Variants in SCNN1G observed in about 807,000 individuals in gnomAD.
The protein encoded by SCNN1G is sodium channel epithelial 1 subunit gamma.
Under a neutral mutation model 64.6 loss-of-function variants are expected in SCNN1G, and 27 were observed. The ratio of observed to expected loss-of-function variants is 0.42; its 90% confidence interval spans 0.31 to 0.58. The LOEUF is 0.58. Among genes scored for constraint, SCNN1G ranks in the 20% least tolerant of loss-of-function variants. SCNN1G has a pLI of 0.18. For synonymous variants in SCNN1G, 330 were observed against 314.2 expected (o/e 1.05, Z -0.53); for missense variants, 743 against 823.4 (o/e 0.90, Z 1.19).
intron 6 of SCNN1G, among the ~76,000 whole-genome samples, chr16:23,198,492 A>C (rs1382396258): frequency 6.6e-6 from 1 of 152,226 alleles, no homozygotes; most frequent in African/African-American, 2.4e-5. Flanking sequence ...GCACTTTGGA[A>C]GGCCAAGGTG....
chr16:23,212,922 C>G, intron 10 of SCNN1G, 28 bp downstream of exon 10: 1 of 1,609,334 alleles, frequency 6.2e-7, no homozygotes, highest in Non-Finnish European at 8.5e-7. Flanking sequence ...CCCTTCCCCA[C>G]TGAAGCCCCC....
chr16:23,189,593 G>A lies in SCNN1G; in HGVS notation c.540G>A (p.Arg180=), dbSNP rs774065794. 5.0e-6 allele frequency: 8 copies of A among 1,614,104 alleles called. No homozygotes were observed. The highest frequency in any genetic ancestry group is 1.1e-5 in the South Asian group (1 of 91,092). ...KARDFFTGRK[R]KVGGSIIHKA... ...GGGACTTCTTCACAGGGAGGAAGCG[G>A]AAAGTCGGCGGTAGCATCATTCACA... Residue 180 remains arginine, a synonymous_variant, in exon 3 of 13, where the codon CGG becomes CGA. Coordinates refer to ENST00000300061, the MANE Select transcript of SCNN1G (RefSeq NM_001039.4).
rs886051800 is a variant in SCNN1G, at chr16:23,192,396, G to T, written c.663G>T (p.Ser221=). The T allele has an allele frequency of 6.2e-7, 1 of 1,614,100 alleles. No homozygotes were observed. ...TSDCATYTFS[S]GINAIQEWYK... ...ACTGTGCCACCTACACCTTCAGCTC[G>T]GGAATCAATGCCATTCAGGAGTGGT... The change falls in exon 4 of 13, where the codon TCG becomes TCT. Residue 221 remains serine (S), a synonymous_variant. Transcript: ENST00000300061.
At chr16:23,201,489 G>A (rs975121794) in intron 6 of SCNN1G, among the ~76,000 whole-genome samples, 3 of 151,652 alleles carry the variant, frequency 2.0e-5, no homozygotes, top group Non-Finnish European at 4.4e-5. Context: ...AGCAGGGTCA[G>A]TCAGCTCTAG....
At chr16:23,208,878 A>C (rs1050722311) in intron 6 of SCNN1G, among the ~76,000 whole-genome samples, 1 of 151,876 alleles carries the variant, frequency 6.6e-6, no homozygotes, top group Admixed American at 6.6e-5. Context: ...CTGGGATTAC[A>C]TGCATGAGCC....
chr16:23,189,482 G>T lies in SCNN1G; in HGVS notation c.429G>T (p.Trp143Cys), dbSNP rs750969453. Residue 143 changes from tryptophan to cysteine, a missense_variant, in exon 3 of 13, where the codon TGG (tryptophan) becomes TGT (cysteine). Physicochemically the swap from Trp to Cys is radical, Grantham distance 215. Transcript: ENST00000300061. The stretch of plus-strand genomic sequence containing the variant: ...GGAAGCGCCGAGAGGCGGAGTCCTG[G>T]AACTCCGTCTCAGAGGGAAAGCAGC... ...ESRKRREAESWNSVSEGKQPR... is the reference protein window; with the variant it reads ...ESRKRREAESCNSVSEGKQPR... The T allele has an allele frequency of 6.2e-7, 1 of 1,614,230 alleles. No individual in the cohort carries two copies. The highest frequency in any genetic ancestry group is 8.5e-7 in the Non-Finnish European group (1 of 1,180,048).
chr16:23,187,244 G>A (rs532682738), intron 2 of SCNN1G, among the ~76,000 whole-genome samples: 10 of 152,084 alleles, frequency 6.6e-5, no homozygotes, highest in African/African-American at 2.4e-4. Flanking sequence ...GAGTAGCTGG[G>A]ACTATAGGCA....
At chr16:23,191,897 G>A (rs1435100270) in intron 3 of SCNN1G, among the ~76,000 whole-genome samples, 1 of 152,220 alleles carries the variant, frequency 6.6e-6, no homozygotes, top group Non-Finnish European at 1.5e-5. Context: ...CATTTTGTGG[G>A]TGAGATAATG....
In SCNN1G at chr16:23,215,557, A is replaced by C; in HGVS notation, c.*88A>C. 1 of 1,483,116 alleles carries C rather than the reference A, an allele frequency of 6.7e-7. No individual in the cohort carries two copies. The highest frequency in any genetic ancestry group is 9.3e-7 in the Non-Finnish European group (1 of 1,075,136). 91.9% of individuals were successfully genotyped at this position (1,483,116 alleles called of 1,614,324 possible). ...GTGCCCCCAGACGTGTGCACAGGGGACCCTCTGCCCCACTCTGGGCTTTTC... is the reference window on the plus strand; with the variant it reads ...GTGCCCCCAGACGTGTGCACAGGGGCCCCTCTGCCCCACTCTGGGCTTTTC... On this transcript the variant is annotated 3_prime_UTR_variant, in exon 13 of 13. Transcript: ENST00000300061.
intron 5 of SCNN1G, among the ~76,000 whole-genome samples, chr16:23,196,895 A>G (rs1479110224): frequency 1.3e-5 from 2 of 152,216 alleles, no homozygotes; most frequent in African/African-American, 2.4e-5. Flanking sequence ...TGAGGGGTTA[A>G]GCAGCCGGAG....
At position 23,216,633 on chromosome 16, in the gene SCNN1G, T is replaced by G. The variant is rs1306189459; in HGVS notation, c.*1164T>G. The G allele has an allele frequency of 6.6e-6, 1 of 152,176 alleles. No homozygotes were observed. Among genetic ancestry groups the G allele is most frequent in the Non-Finnish European group, 1.5e-5 (1 of 68,048 alleles). 9.4% of individuals were successfully genotyped at this position (152,176 alleles called of 1,614,324 possible). A position where few individuals can be genotyped will look rare whatever the true frequency, so the allele number is the denominator to read the frequency against. ...ATGAACTAAGAATTTTATTTTATTT[T>G]ATTTTTTATTTTTTGTAGAAATAGG... On this transcript the variant is annotated 3_prime_UTR_variant, in exon 13 of 13. Transcript: ENST00000300061.
chr16:23,186,429 G>A lies in SCNN1G; in HGVS notation c.158G>A (p.Arg53His). 1 of 1,614,162 alleles carries A rather than the reference G, an allele frequency of 6.2e-7. No homozygotes were observed. Among genetic ancestry groups the A allele is most frequent in the Non-Finnish European group, 8.5e-7 (1 of 1,180,048 alleles). ...GTGGTGTCCCGCGGCCGTCTGCGCCGCCTCCTCTGGATCGGGTTCACACTG... is the reference window on the plus strand; with the variant it reads ...GTGGTGTCCCGCGGCCGTCTGCGCCACCTCCTCTGGATCGGGTTCACACTG... ...RIVVSRGRLR[R>H]LLWIGFTLTA... is the part of the protein sequence containing the mutation. Residue 53 changes from arginine (R) to histidine (H), a missense_variant, in exon 2 of 13, where the codon CGC becomes CAC. Arg to His is a conservative substitution (Grantham distance 29, BLOSUM62 0). Coordinates refer to ENST00000300061, the MANE Select transcript of SCNN1G (RefSeq NM_001039.4).
chr16:23,197,710 C>T (rs1436691837), intron 6 of SCNN1G, among the ~76,000 whole-genome samples: 1 of 152,040 alleles, frequency 6.6e-6, no homozygotes, highest in Non-Finnish European at 1.5e-5. Context: ...TGAAACCTGT[C>T]TCTACTAAAA....
intron 12 of SCNN1G, 136 bp from the exon 13 acceptor site, chr16:23,214,953 G>A (rs1388735957): frequency 5.1e-6 from 6 of 1,183,224 alleles, no homozygotes; most frequent in Non-Finnish European, 7.4e-6. Context: ...GAGGAAACAG[G>A]AAGGCTGCCT....
intron 5 of SCNN1G, among the ~76,000 whole-genome samples, chr16:23,197,023 A>T (rs924849251): frequency 1.3e-5 from 2 of 152,220 alleles, no homozygotes; most frequent in Non-Finnish European, 1.5e-5. Flanking sequence ...CTTGGCAAGA[A>T]CTGTGACAGT....
At chr16:23,192,565 T>C in intron 4 of SCNN1G, 23 bp downstream of exon 4, 1 of 1,596,472 alleles carries the variant, frequency 6.3e-7, no homozygotes. Flanking sequence ...TGCTGCTCTC[T>C]CAGCCTCTAA....
chr16:23,211,336 C>T (rs1043376139), intron 7 of SCNN1G, among the ~76,000 whole-genome samples: 1 of 152,162 alleles, frequency 6.6e-6, no homozygotes, highest in Admixed American at 6.5e-5. Context: ...CCATGAAGAT[C>T]CAACATGGAG....
intron 6 of SCNN1G, among the ~76,000 whole-genome samples, chr16:23,207,352 CG>C (rs1225704719): frequency 6.6e-6 from 1 of 152,128 alleles, no homozygotes; most frequent in African/African-American, 2.4e-5. Context: ...TCAGCAGGAC[CG>C]GGGGGACCAA....
intron 11 of SCNN1G, among the ~76,000 whole-genome samples, chr16:23,213,980 C>T (rs566127481): frequency 2.7e-4 from 41 of 152,298 alleles, no homozygotes; most frequent in Admixed American, 1.0e-3. Flanking sequence ...CAAGAACGAC[C>T]CTCCACTGTT....
Sources: gnomAD v4.1 joint callset for allele counts (sites outside exome capture counted in the v4.1 genomes callset) on GRCh38, gnomAD v4.1.1 for gene constraint, MANE v1.5 for transcripts, NCBI Gene and HGNC (gene_info 2026-07-23, HGNC 2026-07-21) for gene names.